RNF122: variants seen among roughly 807,000 people sequenced by gnomAD.
RNF122 encodes ring finger protein 122.
Under a neutral mutation model 24.2 loss-of-function variants are expected in RNF122, and 17 were observed. The observed-to-expected ratio is 0.70, with a 90% CI of 0.48 to 1.06. RNF122 has a LOEUF of 1.06. Ranked by LOEUF, RNF122 falls within the 50% of genes least tolerant of loss-of-function variation. The probability of loss-of-function intolerance (pLI) is 0.00; values close to 1 mark genes in which losing one functional copy is unlikely to be tolerated. For missense variants in RNF122, 168 were observed against 198.1 expected, an observed-to-expected ratio of 0.85 and a Z score of 0.91; for synonymous variants, 65 against 71.8, an observed-to-expected ratio of 0.91 and a Z score of 0.48.
At chr8:33,560,324 G>T (rs1052931214) in intron 1 of RNF122, among the ~76,000 whole-genome samples, 2 of 152,122 alleles carry the variant, frequency 1.3e-5, no homozygotes, top group South Asian at 4.1e-4. Flanking sequence ...AGGTGGGTAC[G>T]TAACCAGGTT....
chr8:33,563,872 A>G (rs956472393), intron 1 of RNF122, among the ~76,000 whole-genome samples: 44 of 152,118 alleles, frequency 2.9e-4, no homozygotes, highest in African/African-American at 1.0e-3. Context: ...TACAGAGGAT[A>G]TCTGTGCACT....
chr8:33,549,707 C>T (rs1487243271), intron 4 of RNF122, among the ~76,000 whole-genome samples: 1 of 148,112 alleles, frequency 6.8e-6, no homozygotes, highest in Non-Finnish European at 1.5e-5. Flanking sequence ...ATTATAAATT[C>T]AGTCCCTAGT....
chr8:33,553,150 TC>T (rs1810401974), intron 2 of RNF122, among the ~76,000 whole-genome samples: 2 of 151,744 alleles, frequency 1.3e-5, no homozygotes, highest in South Asian at 4.2e-4. Context: ...GGTGATCACT[TC>T]TAAACACAGT....
intron 2 of RNF122, among the ~76,000 whole-genome samples, chr8:33,552,110 A>G (rs1446023374): frequency 1.1e-4 from 16 of 152,182 alleles, no homozygotes; most frequent in Admixed American, 1.0e-3. Context: ...GCTTTTACAG[A>G]TAAGAAAAAT....
intron 2 of RNF122, 139 bp downstream of exon 2, chr8:33,558,476 G>T: frequency 1.8e-6 from 1 of 565,124 alleles, no homozygotes; most frequent in Non-Finnish European, 2.9e-6. Context: ...AGAAGGGCAG[G>T]CTCAGCCGTG....
In RNF122 at chr8:33,549,500, G is replaced by C. The variant is rs1810339584; in HGVS notation, c.271-8C>G. On this transcript the variant is annotated splice_region_variant and splice_polypyrimidine_tract_variant and intron_variant, in intron 4 of 5. Coordinates refer to ENST00000256257, the MANE Select transcript of RNF122 (RefSeq NM_024787.3). Reference sequence around the variant, plus strand: ...ACAGACTGCGCAGGTCTGCTGCAGAGAGAAAAGAGCAGGTGTGTGAGGAAC... The same window carrying C: ...ACAGACTGCGCAGGTCTGCTGCAGACAGAAAAGAGCAGGTGTGTGAGGAAC... The C allele has an allele frequency of 6.2e-7, 1 of 1,610,720 alleles. No individual in the cohort carries two copies. Among genetic ancestry groups the C allele is most frequent in the African/African-American group, 1.3e-5 (1 of 74,860 alleles).
At position 33,556,179 on chromosome 8, in the gene RNF122, C is replaced by CAAAAAAAAAAA. The variant is rs538829399; in HGVS notation, c.182+2425_182+2435dup. Among the ~76,000 whole-genome samples the CAAAAAAAAAAA allele has an allele frequency of 1.6e-3, 53 of 33,984 alleles. 3 individuals are homozygous for CAAAAAAAAAAA. The highest frequency in any genetic ancestry group is 4.8e-3 in the African/African-American group (47 of 9,748). The allele number at this position is 33,984 out of a possible 152,430, so 22.3% of individuals were successfully genotyped here. On this transcript the variant is annotated intron_variant, in intron 2 of 5. Coordinates refer to ENST00000256257, the MANE Select transcript of RNF122 (RefSeq NM_024787.3). ...TGGGCAACAGAGCAAGACCCTGTCT[C>CAAAAAAAAAAA]AAAAAAAAAAAAAAAAAAAAAAAAA...
At chr8:33,548,926 C>T (rs1810330204) in intron 5 of RNF122, 59 bp from the exon 6 acceptor site, 5 of 1,206,732 alleles carry the variant, frequency 4.1e-6, no homozygotes, top group East Asian at 2.3e-5. Context: ...CTCCAGTTGT[C>T]TCTCAAAACA....
chr8:33,554,992 T>C (rs1023309620), intron 2 of RNF122, among the ~76,000 whole-genome samples: 3 of 152,032 alleles, frequency 2.0e-5, no homozygotes, highest in African/African-American at 7.2e-5. Flanking sequence ...TGTGTCTTTC[T>C]ATATATAGAC....
chr8:33,552,152 G>A (rs951847679), intron 2 of RNF122, among the ~76,000 whole-genome samples: 1 of 152,200 alleles, frequency 6.6e-6, no homozygotes, highest in East Asian at 1.9e-4. Context: ...GCTCATGCCT[G>A]TAATCCCAGC....
intron 1 of RNF122, among the ~76,000 whole-genome samples, chr8:33,559,794 T>C (rs1159195791): frequency 6.6e-6 from 1 of 151,152 alleles, no homozygotes; most frequent in Non-Finnish European, 1.5e-5. Flanking sequence ...TTTAGAAACA[T>C]ATACTCTCGG....
chr8:33,551,734 T>G (rs756628653), intron 2 of RNF122, among the ~76,000 whole-genome samples: 1 of 152,198 alleles, frequency 6.6e-6, no homozygotes, highest in Non-Finnish European at 1.5e-5. Flanking sequence ...CTGTGTTTAC[T>G]GAGTGTGCGG....
chr8:33,557,088 C>A (rs1810463874), intron 2 of RNF122, among the ~76,000 whole-genome samples: 1 of 152,198 alleles, frequency 6.6e-6, no homozygotes, highest in East Asian at 1.9e-4. Context: ...GTCACCAGCC[C>A]AGACCACAGC....
intron 3 of RNF122, 104 bp from the exon 4 acceptor site, chr8:33,551,189 G>C (rs1810369379): frequency 1.3e-6 from 2 of 1,490,220 alleles, no homozygotes; most frequent in Non-Finnish European, 1.9e-6. Flanking sequence ...CCTGGGGCAA[G>C]CCGGACTTCA....
At chr8:33,554,247 A>C (rs1392672563) in intron 2 of RNF122, among the ~76,000 whole-genome samples, 1 of 152,204 alleles carries the variant, frequency 6.6e-6, no homozygotes, top group Non-Finnish European at 1.5e-5. Context: ...TGCAGAGTAA[A>C]TAAGGAAGTG....
chr8:33,558,073 G>A (rs1810482562), intron 2 of RNF122, among the ~76,000 whole-genome samples: 1 of 152,004 alleles, frequency 6.6e-6, no homozygotes, highest in South Asian at 2.1e-4. Context: ...AACCCAGGAG[G>A]TGGAAGTTGC....
intron 2 of RNF122, among the ~76,000 whole-genome samples, chr8:33,554,353 T>C (rs542228672): frequency 2.6e-5 from 4 of 152,352 alleles, no homozygotes; most frequent in South Asian, 2.1e-4. Flanking sequence ...TATACTTATG[T>C]AGCAGATGCT....
chr8:33,554,400 T>C (rs1209222000), intron 2 of RNF122, among the ~76,000 whole-genome samples: 4 of 152,112 alleles, frequency 2.6e-5, no homozygotes, highest in Non-Finnish European at 5.9e-5. Context: ...GCACCTAGAG[T>C]ACCACTTCCC....
At position 33,556,211 on chromosome 8, in the gene RNF122, CTA is replaced by C. The variant is rs1213438043; in HGVS notation, c.182+2402_182+2403del. On this transcript the variant is annotated intron_variant, in intron 2 of 5. Coordinates refer to ENST00000256257, the MANE Select transcript of RNF122 (RefSeq NM_024787.3). ...AAAAAAAAAAAAAAAAAAAGAAAAC[CTA>C]AGGTCACACCTATTATTGGTTGATT... Among the ~76,000 whole-genome samples the C allele has an allele frequency of 4.2e-5, 6 of 143,794 alleles. No homozygotes were observed. In the East Asian group the frequency reaches 1.2e-3, roughly 28 times the overall value. The allele number at this position is 143,794 out of a possible 152,430, so 94.3% of individuals were successfully genotyped here. A position where few individuals can be genotyped will look rare whatever the true frequency, so the allele number is the denominator to read the frequency against.
Sources: allele counts gnomAD v4.1 joint callset (sites outside exome capture counted in the v4.1 genomes callset), GRCh38; gene constraint gnomAD v4.1.1; transcripts MANE v1.5; gene names NCBI Gene and HGNC (gene_info 2026-07-23, HGNC 2026-07-21).